The following RPS6KA2 variants were observed in gnomAD, a reference collection of about 807,000 sequenced individuals.
RPS6KA2 encodes the protein ribosomal protein S6 kinase alpha-2.
RPS6KA2 carries 42 observed loss-of-function variants against 91.8 expected under a neutral mutation model. The ratio of observed to expected loss-of-function variants is 0.46; its 90% CI spans 0.36 to 0.59. RPS6KA2 has a LOEUF of 0.59. RPS6KA2 is among the 20% of genes least tolerant of loss of function. The pLI is 0.00. For missense variants in RPS6KA2, 798 were observed against 978.5 expected (o/e 0.82, Z 2.46); for synonymous variants, 414 against 393.6 (o/e 1.05, Z -0.61).
At chr6:166,829,632 C>T (rs1562461031) in intron 2 of RPS6KA2, among the ~76,000 whole-genome samples, 1 of 150,328 alleles carries the variant, frequency 6.7e-6, no homozygotes, top group Admixed American at 6.6e-5. Flanking sequence ...TTATATGGTC[C>T]ATCAATTCCC....
chr6:166,443,914 A>G (rs1779597717), intron 14 of RPS6KA2, among the ~76,000 whole-genome samples: 1 of 152,128 alleles, frequency 6.6e-6, no homozygotes, highest in Non-Finnish European at 1.5e-5. Context: ...AATTGTAACA[A>G]ATCTCTAAAA....
Position 166,701,873 on chromosome 6 carries a change from A to G in RPS6KA2, c.123+156327T>C. On this transcript the variant is annotated intron_variant, in intron 2 of 21. Transcript: ENST00000503859. Reference sequence around the variant, plus strand: ...AATGGTGTGTTCTGGATTATACTGCATCAGTTCCTGCAATGGAGATATCGT... The same window carrying G: ...AATGGTGTGTTCTGGATTATACTGCGTCAGTTCCTGCAATGGAGATATCGT... The G allele has an allele frequency of 6.3e-6, 6 of 946,516 alleles. No individual in the cohort carries two copies. The Admixed American group carries it at 7.4e-5, about 12-fold the overall frequency. 58.6% of individuals were successfully genotyped at this position (946,516 alleles called of 1,614,324 possible). A position where few individuals can be genotyped will look rare whatever the true frequency, so the allele number is the denominator to read the frequency against.
chr6:166,496,053 T>C (rs1456545325), intron 8 of RPS6KA2, among the ~76,000 whole-genome samples: 1 of 152,184 alleles, frequency 6.6e-6, no homozygotes, highest in Non-Finnish European at 1.5e-5. Context: ...CGGTTTGCAG[T>C]GATTAAGACC....
intron 10 of RPS6KA2, among the ~76,000 whole-genome samples, chr6:166,486,151 G>A (rs1781400104): frequency 6.6e-6 from 1 of 152,178 alleles, no homozygotes. Context: ...TGGAATCTCA[G>A]GTCCCATCTG....
At chr6:166,762,810 C>T (rs919988053) in intron 2 of RPS6KA2, among the ~76,000 whole-genome samples, 4 of 152,138 alleles carry the variant, frequency 2.6e-5, no homozygotes, top group Non-Finnish European at 5.9e-5. Flanking sequence ...AGCCTTGCAC[C>T]ACGAGATTTG....
intron 2 of RPS6KA2, among the ~76,000 whole-genome samples, chr6:166,781,456 T>C (rs2128610471): frequency 6.6e-6 from 1 of 152,280 alleles, no homozygotes; most frequent in Middle Eastern, 3.4e-3. Flanking sequence ...GAGGCAGGAC[T>C]TCGCTCTCTT....
intron 1 of RPS6KA2, among the ~76,000 whole-genome samples, chr6:166,621,846 A>C (rs1786648477): frequency 6.6e-6 from 1 of 152,144 alleles, no homozygotes; most frequent in Non-Finnish European, 1.5e-5. Flanking sequence ...TTCATCCTGA[A>C]GCTACAGCCC....
chr6:166,557,387 G>A lies in RPS6KA2; in HGVS notation c.100-18603C>T, dbSNP rs932705070. Among the ~76,000 whole-genome samples, 16 of 152,356 alleles carry A rather than the reference G, an allele frequency of 1.1e-4. No homozygotes were observed. Among genetic ancestry groups the A allele is most frequent in the Non-Finnish European group, 1.5e-4 (10 of 68,042 alleles). On this transcript the variant is annotated intron_variant, in intron 1 of 20. Coordinates refer to ENST00000265678, the MANE Select transcript of RPS6KA2 (RefSeq NM_021135.6). The surrounding 1 kb of genome is among the most constrained non-coding windows in gnomAD (Gnocchi z 4.8). ...CCACAGACTCAATGGTCAGGTGGCCGGGGTCACTCTGAAAATGAACTGTTC... is the reference window on the plus strand; with the variant it reads ...CCACAGACTCAATGGTCAGGTGGCCAGGGTCACTCTGAAAATGAACTGTTC...
At chr6:166,716,543 A>T (rs931096097) in intron 2 of RPS6KA2, among the ~76,000 whole-genome samples, 6 of 152,192 alleles carry the variant, frequency 3.9e-5, no homozygotes, top group African/African-American at 1.4e-4. Flanking sequence ...TTATACTCTT[A>T]TGGGACCACC....
chr6:166,502,129 G>A (rs1376886865), intron 6 of RPS6KA2, among the ~76,000 whole-genome samples: 7 of 152,148 alleles, frequency 4.6e-5, no homozygotes. Flanking sequence ...GGAGATGGAC[G>A]GTGGGGATGG....
chr6:166,422,027 G>A (rs1297123982), intron 17 of RPS6KA2, among the ~76,000 whole-genome samples: 1 of 152,098 alleles, frequency 6.6e-6, no homozygotes, highest in Non-Finnish European at 1.5e-5. Flanking sequence ...AGCCTCCTGA[G>A]TAGCTGGGAC....
chr6:166,653,612 T>C (rs1198697084), intron 2 of RPS6KA2, among the ~76,000 whole-genome samples: 1 of 152,226 alleles, frequency 6.6e-6, no homozygotes, highest in East Asian at 1.9e-4. Flanking sequence ...GCACATATTT[T>C]GTATCACTTG....
intron 2 of RPS6KA2, among the ~76,000 whole-genome samples, chr6:166,808,788 T>A (rs1201043180): frequency 1.3e-5 from 2 of 152,238 alleles, no homozygotes; most frequent in African/African-American, 2.4e-5. Flanking sequence ...AATGTAAATG[T>A]CAGTATCCCC....
rs114757440 is a variant in RPS6KA2 at position 166,441,944 on chromosome 6, G to A, written c.1332+6780C>T. Among the ~76,000 whole-genome samples the A allele has an allele frequency of 9.5e-3, 1,442 of 152,366 alleles. 24 individuals carry two copies. The highest frequency in any genetic ancestry group is 0.033 in the African/African-American group (1,370 of 41,584). On this transcript the variant is annotated intron_variant, in intron 14 of 20. Coordinates refer to ENST00000265678, the MANE Select transcript of RPS6KA2 (RefSeq NM_021135.6). ...GAGGAACCAGGTGCACTGTGCCTTT[G>A]GAGGTGAAGTTAGAGGAAGCGGTCC...
chr6:166,632,598 C>T lies in RPS6KA2; in HGVS notation c.124-93814G>A, dbSNP rs550028091. Among the ~76,000 whole-genome samples the T allele has an allele frequency of 9.1e-5, 13 of 143,408 alleles. No individual in the cohort carries two copies. In the South Asian group the frequency reaches 1.6e-3, roughly 17 times the overall value. The allele number at this position is 143,408 out of a possible 152,430, so 94.1% of individuals were successfully genotyped here. A position where few individuals can be genotyped will look rare whatever the true frequency, so the allele number is the denominator to read the frequency against. ...TGCACTCCAGCCTGGGCAACAAGAG[C>T]GAAACTCCATCTCAAAAAAAAAAAA... is the stretch of plus-strand genomic sequence containing the variant. On this transcript the variant is annotated intron_variant, in intron 2 of 21. Coordinates refer to the RPS6KA2 transcript ENST00000503859.
chr6:166,502,927 C>T (rs1049128192), intron 6 of RPS6KA2, among the ~76,000 whole-genome samples: 5 of 152,080 alleles, frequency 3.3e-5, no homozygotes, highest in Admixed American at 6.5e-5. Flanking sequence ...TGCCTGAAAC[C>T]GGAAGTGTTT....
chr6:166,530,264 G>A (rs1356109306), intron 3 of RPS6KA2, among the ~76,000 whole-genome samples: 1 of 152,156 alleles, frequency 6.6e-6, no homozygotes, highest in Non-Finnish European at 1.5e-5. Context: ...CCCTCCCAGA[G>A]AGAAAGTCTC....
chr6:166,448,010 A>C lies in RPS6KA2; in HGVS notation c.1332+714T>G, dbSNP rs896637511. Among the ~76,000 whole-genome samples the C allele has an allele frequency of 6.6e-6, 1 of 152,142 alleles. No homozygotes were observed. Among genetic ancestry groups the C allele is most frequent in the Admixed American group, 6.6e-5 (1 of 15,266 alleles). ...GCAGGAAGCTTTACCTTTAATCCAC[A>C]TTTTACTAACCAAAAATCTCTAGAA... is the stretch of plus-strand genomic sequence containing the variant. On this transcript the variant is annotated intron_variant, in intron 14 of 20. Transcript: ENST00000265678. This position sits in a 1 kb window ranked among gnomAD's most constrained non-coding sequence, Gnocchi z 4.7.
At chr6:166,720,166 T>C (rs1460395906) in intron 2 of RPS6KA2, among the ~76,000 whole-genome samples, 1 of 152,232 alleles carries the variant, frequency 6.6e-6, no homozygotes, top group Non-Finnish European at 1.5e-5. Context: ...CATCTTTGTA[T>C]TAAATTCCTA....
Sources: gnomAD v4.1 joint callset for allele counts (sites outside exome capture counted in the v4.1 genomes callset) on GRCh38, gnomAD v4.1.1 for gene constraint, Gnocchi (gnomAD v3.1) non-coding constraint, MANE v1.5 for transcripts, NCBI Gene and HGNC (gene_info 2026-07-23, HGNC 2026-07-21) for gene names.